The following PCDHA9 variants were observed in gnomAD, a reference collection of about 807,000 sequenced individuals.
The protein encoded by PCDHA9 is protocadherin alpha-9.
PCDHA9 carries 62 observed loss-of-function variants against 62.0 expected under a neutral mutation model. That is an observed-to-expected ratio of 1.00 (90% confidence interval 0.81 to 1.23). The LOEUF is 1.23. PCDHA9 is among the 50% of genes most tolerant of loss of function. The pLI is 0.00. For synonymous variants in PCDHA9, 557 were observed against 567.6 expected, an observed-to-expected ratio of 0.98 and a Z score of 0.27; for missense variants, 1,205 against 1,249.8, an observed-to-expected ratio of 0.96 and a Z score of 0.54.
At chr5:140,951,766 C>T (rs372624744) in intron 1 of PCDHA9, among the ~76,000 whole-genome samples, 78 of 152,240 alleles carry the variant, frequency 5.1e-4, no homozygotes, top group African/African-American at 1.6e-3. Context: ...AATCTCATGA[C>T]GTTCTTACAT....
chr5:140,993,133 C>T (rs2097542175), intron 3 of PCDHA9, among the ~76,000 whole-genome samples: 1 of 152,190 alleles, frequency 6.6e-6, no homozygotes, highest in East Asian at 1.9e-4. Context: ...CCTTCTGTTG[C>T]AACAAGTATA....
At chr5:140,856,335 G>A in intron 1 of PCDHA9, 1 of 1,598,610 alleles carries the variant, frequency 6.3e-7, no homozygotes, top group Non-Finnish European at 8.6e-7. Context: ...GAGCTGTGCG[G>A]GCGGAGCGTG....
chr5:140,862,327 A>G (rs1317111352), intron 1 of PCDHA9: 1 of 326,932 alleles, frequency 3.1e-6, no homozygotes, highest in Non-Finnish European at 6.0e-6. Context: ...TAATCAGTGT[A>G]ATTGACCCTA....
intron 1 of PCDHA9, chr5:140,883,386 G>C (rs1554177993): frequency 6.2e-7 from 1 of 1,614,138 alleles, no homozygotes; most frequent in South Asian, 1.1e-5. Context: ...GCCCTAATCA[G>C]TGTGTCCGAT....
chr5:140,866,444 T>G (rs1399450824), intron 1 of PCDHA9: 1 of 152,130 alleles, frequency 6.6e-6, no homozygotes, highest in African/African-American at 2.4e-5. Context: ...TTCTTCAGTC[T>G]TATTGTTGGC....
intron 2 of PCDHA9, among the ~76,000 whole-genome samples, chr5:140,981,515 A>C (rs1554242933): frequency 1.3e-5 from 2 of 152,230 alleles, no homozygotes. Context: ...CAGAGGTTGC[A>C]GTGAGCTGAG....
chr5:140,856,427 G>A lies in PCDHA9; in HGVS notation c.2394+5538G>A, dbSNP rs782109045. ...GGACGTGGAAGTGAAGGACATTAAC[G>A]ACAACCCGCCCAGGTTCTCCGTAAC... On this transcript the variant is annotated intron_variant, in intron 1 of 3. Coordinates refer to ENST00000532602, the MANE Select transcript of PCDHA9 (RefSeq NM_031857.2). The A allele has an allele frequency of 9.4e-6, 15 of 1,598,250 alleles. 1 individual carries two copies. Among genetic ancestry groups the A allele is most frequent in the Non-Finnish European group, 1.3e-5 (15 of 1,167,914 alleles).
chr5:141,001,164 A>T (rs2097995699), intron 3 of PCDHA9, among the ~76,000 whole-genome samples: 1 of 152,102 alleles, frequency 6.6e-6, no homozygotes, highest in East Asian at 1.9e-4. Context: ...AATAAGTAAA[A>T]TTTAACGAGT....
At chr5:140,912,865 A>G (rs1554195582) in intron 1 of PCDHA9, among the ~76,000 whole-genome samples, 1 of 152,138 alleles carries the variant, frequency 6.6e-6, no homozygotes, top group East Asian at 1.9e-4. Flanking sequence ...GAAATGATAT[A>G]TGGTTTTTGG....
intron 1 of PCDHA9, chr5:140,865,596 A>G (rs1309543842): frequency 2.6e-5 from 4 of 152,224 alleles, no homozygotes; most frequent in Admixed American, 2.0e-4. Context: ...CCATTGTTTG[A>G]GCAGTTTATT....
At chr5:140,862,877 G>A (rs782429840) in intron 1 of PCDHA9, 3 of 567,440 alleles carry the variant, frequency 5.3e-6, no homozygotes, top group African/African-American at 3.8e-5. Context: ...CCAGGTATTA[G>A]TGCTGGAACG....
chr5:141,007,679 T>A (rs1362984196), intron 3 of PCDHA9, among the ~76,000 whole-genome samples: 2 of 152,186 alleles, frequency 1.3e-5, no homozygotes, highest in Admixed American at 6.5e-5. Context: ...ACAAAAGTTA[T>A]CCTACTTCCA....
At chr5:140,955,296 G>A (rs1554221862) in intron 1 of PCDHA9, among the ~76,000 whole-genome samples, 1 of 151,904 alleles carries the variant, frequency 6.6e-6, no homozygotes, top group Admixed American at 6.6e-5. Context: ...GTTTGGCTGT[G>A]TCCCCACCCA....
chr5:140,912,723 A>C (rs781874290), intron 1 of PCDHA9, among the ~76,000 whole-genome samples: 21 of 152,256 alleles, frequency 1.4e-4, no homozygotes, highest in Admixed American at 1.1e-3. Context: ...TCCATTCAAT[A>C]TGATGTTGGC....
At chr5:140,961,342 A>AC (rs2095605510) in intron 1 of PCDHA9, among the ~76,000 whole-genome samples, 1 of 152,164 alleles carries the variant, frequency 6.6e-6, no homozygotes, top group South Asian at 2.1e-4. Flanking sequence ...CCAAGAGTGG[A>AC]TCCCTGTAGT....
chr5:140,912,343 A>AT (rs35252606), intron 1 of PCDHA9, among the ~76,000 whole-genome samples: 1,442 of 143,856 alleles, frequency 0.01, 7 homozygotes, highest in South Asian at 0.021. Flanking sequence ...TACACTAAGT[A>AT]TTTTTTTTTT....
At chr5:140,944,846 G>A (rs269554) in intron 1 of PCDHA9, among the ~76,000 whole-genome samples, 33,882 of 151,952 alleles carry the variant, frequency 0.22, 4,860 homozygotes, top group African/African-American at 0.41. Context: ...TGAGATATTA[G>A]AATCATCCTT....
intron 3 of PCDHA9, among the ~76,000 whole-genome samples, chr5:140,985,544 G>T (rs1426303468): frequency 6.6e-6 from 1 of 152,108 alleles, no homozygotes; most frequent in Non-Finnish European, 1.5e-5. Flanking sequence ...TGAAGATGCA[G>T]TTGCTTCCAA....
chr5:140,938,698 T>C (rs1430283682), intron 1 of PCDHA9, among the ~76,000 whole-genome samples: 1 of 152,194 alleles, frequency 6.6e-6, no homozygotes, highest in East Asian at 1.9e-4. Context: ...TTTTTAAATA[T>C]ATGTTTATGA....
Sources: allele counts gnomAD v4.1 joint callset (sites outside exome capture counted in the v4.1 genomes callset), GRCh38; gene constraint gnomAD v4.1.1; transcripts MANE v1.5; gene names NCBI Gene and HGNC (gene_info 2026-07-23, HGNC 2026-07-21).